PPM1L: variants seen among roughly 807,000 people sequenced by gnomAD.
PPM1L encodes the protein protein phosphatase 1L.
PPM1L carries 13 observed loss-of-function variants against 31.4 expected under a neutral mutation model. That is an observed-to-expected ratio of 0.41 (90% CI 0.27 to 0.66). The LOEUF (loss-of-function observed/expected upper bound fraction) is 0.66. Ranked by LOEUF, PPM1L falls within the 30% of genes least tolerant of loss-of-function variation. PPM1L has a pLI of 0.29. For synonymous variants in PPM1L, 184 were observed against 175.4 expected, an observed-to-expected ratio of 1.05 and a Z score of -0.39; for missense variants, 326 against 453.7, an observed-to-expected ratio of 0.72 and a Z score of 2.56.
At chr3:160,985,588 A>G (rs2108038758) in intron 2 of PPM1L, among the ~76,000 whole-genome samples, 1 of 152,282 alleles carries the variant, frequency 6.6e-6, no homozygotes, top group Non-Finnish European at 1.5e-5. Context: ...TTCTTTTTCC[A>G]AGCAAGTGGT....
At chr3:161,060,014 G>A (rs1719522728) in intron 2 of PPM1L, among the ~76,000 whole-genome samples, 1 of 152,012 alleles carries the variant, frequency 6.6e-6, no homozygotes, top group African/African-American at 2.4e-5. Context: ...CCAGTCTCAG[G>A]TATTTCTTTA....
intron 1 of PPM1L, among the ~76,000 whole-genome samples, chr3:160,851,088 ATAT>A (rs1489277507): frequency 2.0e-5 from 3 of 152,172 alleles, no homozygotes; most frequent in African/African-American, 7.2e-5. Flanking sequence ...AAGATTTGAA[ATAT>A]TATACCACTG....
chr3:160,787,449 GT>G (rs1035352861), intron 1 of PPM1L, among the ~76,000 whole-genome samples: 11 of 151,824 alleles, frequency 7.2e-5, no homozygotes, highest in African/African-American at 2.7e-4. Flanking sequence ...TGATGGGGTT[GT>G]TTTTTGCCTA....
chr3:160,780,989 T>A lies in PPM1L; in HGVS notation c.399+24282T>A, dbSNP rs147781293. ...TCTTTAACTTGATGTTTTATTTTAG[T>A]GAAGAAACTAATGAAGTCTTTACTC... is the stretch of plus-strand genomic sequence containing the variant. On this transcript the variant is annotated intron_variant, in intron 1 of 3. Coordinates refer to ENST00000498165, the MANE Select transcript of PPM1L (RefSeq NM_139245.4). Among the ~76,000 whole-genome samples, 7 of 152,346 alleles carry A rather than the reference T, an allele frequency of 4.6e-5. No individual in the cohort carries two copies. The East Asian group carries it at 1.2e-3, about 25-fold the overall frequency.
Position 160,819,082 on chromosome 3 carries a change from CATA to C in PPM1L, c.399+62378_399+62380del, listed in dbSNP as rs112023181. 9.3e-3 allele frequency among the ~76,000 whole-genome samples: 1,414 copies of C among 151,920 alleles called. 19 individuals are homozygous for C. Among genetic ancestry groups the C allele is most frequent in the African/African-American group, 0.031 (1,304 of 41,484 alleles). The stretch of plus-strand genomic sequence containing the variant: ...TGAAAGGACATGGAATGGTATAAAC[CATA>C]ATGATGGTAGACAGTAAGCATTGAG... On this transcript the variant is annotated intron_variant, in intron 1 of 3. Coordinates refer to ENST00000498165, the MANE Select transcript of PPM1L (RefSeq NM_139245.4).
chr3:160,849,671 G>A (rs957430533), intron 1 of PPM1L, among the ~76,000 whole-genome samples: 6 of 151,654 alleles, frequency 4.0e-5, no homozygotes, highest in Admixed American at 1.3e-4. Context: ...TGATCCGCCC[G>A]CCTCAGCCTC....
At chr3:160,960,694 C>T (rs1360408448) in intron 1 of PPM1L, among the ~76,000 whole-genome samples, 1 of 151,932 alleles carries the variant, frequency 6.6e-6, no homozygotes, top group African/African-American at 2.4e-5. Flanking sequence ...GTGAGTAAAG[C>T]AGGACTGCAC....
At chr3:160,931,993 T>G (rs905123143) in intron 1 of PPM1L, among the ~76,000 whole-genome samples, 1 of 67,180 alleles carries the variant, frequency 1.5e-5, no homozygotes, top group Non-Finnish European at 6.5e-5. Context: ...CATTCTTTTG[T>G]TTTTTTGCTC....
In PPM1L at chr3:161,069,955, A is replaced by G. The variant is rs1719857998; in HGVS notation, c.*798A>G. On this transcript the variant is annotated 3_prime_UTR_variant, in exon 4 of 4. Transcript: ENST00000498165. ...TCACCAACAGATACCCTGATTTTTC[A>G]TCTTACGTGACCAAGAAACCACGTT... The G allele has an allele frequency of 6.6e-6, 1 of 152,178 alleles. No homozygotes were observed. Among genetic ancestry groups the G allele is most frequent in the African/African-American group, 2.4e-5 (1 of 41,446 alleles). 9.4% of individuals were successfully genotyped at this position (152,178 alleles called of 1,614,324 possible).
intron 1 of PPM1L, among the ~76,000 whole-genome samples, chr3:160,833,272 T>C (rs1478717746): frequency 2.0e-5 from 3 of 152,210 alleles, no homozygotes; most frequent in Admixed American, 6.5e-5. Flanking sequence ...TAAATTCCTT[T>C]GGGTATATAC....
intron 1 of PPM1L, among the ~76,000 whole-genome samples, chr3:160,879,578 A>G (rs1249678231): frequency 2.0e-5 from 3 of 152,176 alleles, no homozygotes; most frequent in Non-Finnish European, 4.4e-5. Context: ...GATCCTGTGA[A>G]TTAGTGAGAA....
intron 1 of PPM1L, among the ~76,000 whole-genome samples, chr3:160,961,111 T>C (rs145008709): frequency 6.6e-6 from 1 of 152,290 alleles, no homozygotes; most frequent in African/African-American, 2.4e-5. Context: ...TATGTAAGCT[T>C]TAAGGCATTT....
intron 1 of PPM1L, among the ~76,000 whole-genome samples, chr3:160,777,275 A>G (rs1711583528): frequency 6.6e-6 from 1 of 152,186 alleles, no homozygotes; most frequent in South Asian, 2.1e-4. Flanking sequence ...GAGCCATGAT[A>G]ATACCACTGC....
At chr3:160,786,204 TA>T (rs1174819043) in intron 1 of PPM1L, among the ~76,000 whole-genome samples, 7 of 82,476 alleles carry the variant, frequency 8.5e-5, no homozygotes, top group Admixed American at 1.5e-4. Flanking sequence ...TATATATATA[TA>T]TATTTTTTTT....
chr3:160,827,449 G>GTGTGT (rs1465325304), intron 1 of PPM1L, among the ~76,000 whole-genome samples: 1 of 126,674 alleles, frequency 7.9e-6, no homozygotes, highest in East Asian at 2.3e-4. Context: ...ATATAAGTTT[G>GTGTGT]TGTGTGTGTG....
chr3:160,829,144 C>T (rs1271659249), intron 1 of PPM1L, among the ~76,000 whole-genome samples: 1 of 151,796 alleles, frequency 6.6e-6, no homozygotes, highest in Non-Finnish European at 1.5e-5. Context: ...CTGCTTGCCT[C>T]TGCCTGTTGT....
chr3:160,897,379 A>G lies in PPM1L; in HGVS notation c.400-64357A>G, dbSNP rs184708714. Among the ~76,000 whole-genome samples the G allele has an allele frequency of 2.6e-5, 4 of 152,212 alleles. No individual in the cohort carries two copies. In the South Asian group the frequency reaches 6.2e-4, roughly 24 times the overall value. On this transcript the variant is annotated intron_variant, in intron 1 of 3. Transcript: ENST00000498165. ...TATAAAGATTTATTACCAGATGATG[A>G]CATTGCTCCTGATGTCTCTAACTAG...
At chr3:160,830,743 G>C (rs1480671583) in intron 1 of PPM1L, among the ~76,000 whole-genome samples, 2 of 152,066 alleles carry the variant, frequency 1.3e-5, no homozygotes, top group Non-Finnish European at 2.9e-5. Context: ...TCATTTTTCT[G>C]TTGAATATTG....
At chr3:161,031,396 G>C (rs1718557556) in intron 2 of PPM1L, among the ~76,000 whole-genome samples, 1 of 152,128 alleles carries the variant, frequency 6.6e-6, no homozygotes, top group African/African-American at 2.4e-5. Flanking sequence ...CATTTAGCTA[G>C]ACTGTGAAGC....
Sources: allele counts gnomAD v4.1 joint callset (sites outside exome capture counted in the v4.1 genomes callset), GRCh38; gene constraint gnomAD v4.1.1; transcripts MANE v1.5; gene names NCBI Gene and HGNC (gene_info 2026-07-23, HGNC 2026-07-21).